The following NOL4 variants were observed in gnomAD, a reference collection of about 807,000 sequenced individuals.
NOL4 encodes nucleolar protein 4, also known as cancer/testis antigen 125.
NOL4 carries 17 observed loss-of-function variants against 75.9 expected under a neutral mutation model. The ratio of observed to expected loss-of-function variants is 0.22; its 90% CI spans 0.15 to 0.34. The LOEUF (loss-of-function observed/expected upper bound fraction) is 0.34. Ranked by LOEUF, NOL4 falls within the 10% of genes least tolerant of loss-of-function variation. NOL4 has a pLI of 1.00. For synonymous variants in NOL4, 292 were observed against 289.9 expected (o/e 1.01, Z -0.07); for missense variants, 614 against 793.5 (o/e 0.77, Z 2.72).
intron 5 of NOL4, among the ~76,000 whole-genome samples, chr18:34,040,204 G>A (rs1219241615): frequency 4.6e-5 from 7 of 151,910 alleles, no homozygotes; most frequent in African/African-American, 9.7e-5. Context: ...GGTACATACC[G>A]AACTGTTAAT....
At chr18:34,101,401 G>A (rs1409127871) in intron 4 of NOL4, among the ~76,000 whole-genome samples, 2 of 152,080 alleles carry the variant, frequency 1.3e-5, no homozygotes, top group African/African-American at 4.8e-5. Flanking sequence ...GGGTAGGTTG[G>A]AAACTTAGCA....
chr18:34,030,931 TA>T (rs61054244), intron 5 of NOL4, among the ~76,000 whole-genome samples: 1 of 151,594 alleles, frequency 6.6e-6, no homozygotes, highest in Non-Finnish European at 1.5e-5. Context: ...TCAAAATATG[TA>T]AAAAAATAGA....
At position 33,935,017 on chromosome 18, in the gene NOL4, C is replaced by T. The variant is rs114977364; in HGVS notation, c.1542+8048G>A. On this transcript the variant is annotated intron_variant, in intron 9 of 10. Coordinates refer to ENST00000261592, the MANE Select transcript of NOL4 (RefSeq NM_003787.5). Reference sequence around the variant, plus strand: ...AGAACTACAGATGCACTGCGCCATGCCTTGCTAATCTTTTAAAAAACATTT... The same window carrying T: ...AGAACTACAGATGCACTGCGCCATGTCTTGCTAATCTTTTAAAAAACATTT... Among the ~76,000 whole-genome samples, 1,249 of 152,070 alleles carry T rather than the reference C, an allele frequency of 8.2e-3. 12 individuals are homozygous for T. Among genetic ancestry groups the T allele is most frequent in the African/African-American group, 0.028 (1,153 of 41,490 alleles).
intron 5 of NOL4, among the ~76,000 whole-genome samples, chr18:34,055,040 A>C (rs188983142): frequency 6.7e-6 from 1 of 149,794 alleles, no homozygotes; most frequent in African/African-American, 2.4e-5. Context: ...AACTTACTCT[A>C]CTCCTTATTG....
intron 6 of NOL4, among the ~76,000 whole-genome samples, chr18:33,966,894 A>G (rs2070649132): frequency 6.6e-6 from 1 of 152,184 alleles, no homozygotes; most frequent in African/African-American, 2.4e-5. Context: ...CATTAAAATG[A>G]CCATAATTCC....
At chr18:33,988,406 A>G (rs925171297) in intron 6 of NOL4, among the ~76,000 whole-genome samples, 6 of 152,160 alleles carry the variant, frequency 3.9e-5, no homozygotes, top group Non-Finnish European at 8.8e-5. Flanking sequence ...GATACTTGAG[A>G]CCTGATCATT....
chr18:34,014,847 T>G (rs934963219), intron 6 of NOL4, among the ~76,000 whole-genome samples: 5 of 152,062 alleles, frequency 3.3e-5, no homozygotes, highest in African/African-American at 9.7e-5. Context: ...GTAAATGACA[T>G]AGTCCAACTC....
At chr18:34,006,769 C>A (rs1296911680) in intron 6 of NOL4, among the ~76,000 whole-genome samples, 1 of 152,018 alleles carries the variant, frequency 6.6e-6, no homozygotes, top group African/African-American at 2.4e-5. Flanking sequence ...CCTGAAACAG[C>A]TGATTAATAG....
rs1158572042 is a variant in NOL4 at position 33,851,681 on chromosome 18, AC to A, written c.*1160del. 2 of 152,446 alleles carry A rather than the reference AC, an allele frequency of 1.3e-5. No individual in the cohort carries two copies. The highest frequency in any genetic ancestry group is 2.9e-5 in the Non-Finnish European group (2 of 68,000). The allele number at this position is 152,446 out of a possible 1,614,324, so 9.4% of individuals were successfully genotyped here. Reference sequence around the variant, plus strand: ...AAAACATCACTCATGTGTATCCCACACTATAAAATAAGAAAGAAGGGTAAAG... The same window carrying A: ...AAAACATCACTCATGTGTATCCCACATATAAAATAAGAAAGAAGGGTAAAG... On this transcript the variant is annotated 3_prime_UTR_variant, in exon 11 of 11. Coordinates refer to ENST00000261592, the MANE Select transcript of NOL4 (RefSeq NM_003787.5).
At chr18:34,023,764 G>A in intron 5 of NOL4, 1 of 241,228 alleles carries the variant, frequency 4.1e-6, no homozygotes, top group East Asian at 7.9e-5. Context: ...CTTTTGATGG[G>A]ATGGATTTAG....
chr18:33,994,843 T>C (rs893682622), intron 6 of NOL4, among the ~76,000 whole-genome samples: 1 of 151,278 alleles, frequency 6.6e-6, no homozygotes, highest in African/African-American at 2.4e-5. Context: ...CAAAAACGAA[T>C]AAAATCAAAA....
chr18:34,022,736 A>C (rs1159342825), intron 5 of NOL4, among the ~76,000 whole-genome samples: 1 of 152,042 alleles, frequency 6.6e-6, no homozygotes, highest in African/African-American at 2.4e-5. Context: ...TTATTAGGTT[A>C]AATAACCCTA....
At chr18:33,901,133 T>C (rs900706426) in intron 9 of NOL4, among the ~76,000 whole-genome samples, 4 of 152,346 alleles carry the variant, frequency 2.6e-5, no homozygotes, top group African/African-American at 7.2e-5. Flanking sequence ...GTTTACTGAT[T>C]ATTTTATATT....
intron 5 of NOL4, among the ~76,000 whole-genome samples, chr18:34,070,280 A>G (rs1210965530): frequency 6.6e-6 from 1 of 152,062 alleles, no homozygotes; most frequent in East Asian, 1.9e-4. Flanking sequence ...CGGCCTCCCA[A>G]AGTGCTGGGA....
chr18:33,861,385 T>G (rs1184916176), intron 10 of NOL4, among the ~76,000 whole-genome samples: 1 of 152,214 alleles, frequency 6.6e-6, no homozygotes, highest in African/African-American at 2.4e-5. Flanking sequence ...GTCAAGGAAT[T>G]TATCCATTTC....
intron 2 of NOL4, among the ~76,000 whole-genome samples, chr18:34,117,705 T>C (rs2079926208): frequency 6.6e-6 from 1 of 152,182 alleles, no homozygotes; most frequent in Admixed American, 6.5e-5. Context: ...TAGCAGCCAG[T>C]CAGTAAATGC....
rs1191533888 is a variant in NOL4 at position 33,853,007 on chromosome 18, T to C, written c.1752A>G (p.Gln584=). The part of the protein sequence containing the change: ...SGPTDLSMKR[Q]LATSSGSSSS... ...TGGAGGATCCTGAGCTAGTCGCCAA[T>C]TGTCTCTTCATGCTGAGATCAGTGG... Residue 584 remains glutamine (Q), a synonymous_variant, in exon 11 of 11, where the codon CAA becomes CAG. Coordinates refer to ENST00000261592, the MANE Select transcript of NOL4 (RefSeq NM_003787.5). The C allele has an allele frequency of 3.1e-6, 5 of 1,612,690 alleles. No homozygotes were observed. Among genetic ancestry groups the C allele is most frequent in the Non-Finnish European group, 3.4e-6 (4 of 1,179,214 alleles).
At chr18:34,061,635 G>A (rs368994121) in intron 5 of NOL4, among the ~76,000 whole-genome samples, 1 of 152,220 alleles carries the variant, frequency 6.6e-6, no homozygotes, top group African/African-American at 2.4e-5. Context: ...CGACCTTGTT[G>A]TTTTCATTAA....
intron 8 of NOL4, among the ~76,000 whole-genome samples, chr18:33,947,152 AGAGT>A (rs1312309214): frequency 2.6e-5 from 4 of 151,852 alleles, no homozygotes; most frequent in Non-Finnish European, 5.9e-5. Context: ...TAATATCGAG[AGAGT>A]GAGAAGGAAA....
Sources: gnomAD v4.1 joint callset for allele counts (sites outside exome capture counted in the v4.1 genomes callset) on GRCh38, gnomAD v4.1.1 for gene constraint, MANE v1.5 for transcripts, NCBI Gene and HGNC (gene_info 2026-07-23, HGNC 2026-07-21) for gene names.